Variants in PDE3B observed in about 807,000 individuals in gnomAD.
PDE3B encodes cGMP-inhibited 3',5'-cyclic phosphodiesterase 3B.
Under a neutral mutation model 116.8 loss-of-function variants are expected in PDE3B, and 66 were observed. That is an observed-to-expected ratio of 0.56 (90% confidence interval 0.46 to 0.69). PDE3B has a LOEUF of 0.69. PDE3B is among the 30% of genes least tolerant of loss of function. PDE3B has a pLI of 0.00. For synonymous variants in PDE3B, 595 were observed against 533.6 expected, an observed-to-expected ratio of 1.12 and a Z score of -1.59; for missense variants, 1,384 against 1,368.1, an observed-to-expected ratio of 1.01 and a Z score of -0.18.
chr11:14,874,269 CTA>C (rs1848170165), downstream of PDE3B, among the ~76,000 whole-genome samples: 1 of 151,988 alleles, frequency 6.6e-6, no homozygotes, highest in Non-Finnish European at 1.5e-5. Flanking sequence ...AACCTTTAAC[CTA>C]TGTTTTAAGT....
intron 1 of PDE3B, among the ~76,000 whole-genome samples, chr11:14,707,856 T>C (rs1855578301): frequency 6.6e-6 from 1 of 152,064 alleles, no homozygotes; most frequent in African/African-American, 2.4e-5. Flanking sequence ...ACATAAATAG[T>C]ATTTGGATAC....
At chr11:14,728,602 G>T (rs1329614741) in intron 1 of PDE3B, among the ~76,000 whole-genome samples, 1 of 152,060 alleles carries the variant, frequency 6.6e-6, no homozygotes, top group African/African-American at 2.4e-5. Context: ...TAATTATGTT[G>T]ATAAAGATCA....
At chr11:14,807,296 T>C (rs1447275276) in intron 5 of PDE3B, among the ~76,000 whole-genome samples, 1 of 152,172 alleles carries the variant, frequency 6.6e-6, no homozygotes, top group Non-Finnish European at 1.5e-5. Flanking sequence ...ATAATAACTT[T>C]CTTTTAGCAT....
intron 7 of PDE3B, among the ~76,000 whole-genome samples, chr11:14,828,205 A>T (rs1859762348): frequency 6.6e-6 from 1 of 152,212 alleles, no homozygotes; most frequent in Admixed American, 6.5e-5. Context: ...AAAACCCAAA[A>T]CTATAAAAAC....
chr11:14,644,228 C>G lies in PDE3B; in HGVS notation c.153C>G (p.Leu51=). 6.3e-7 allele frequency: 1 copy of G among 1,587,292 alleles called. No homozygotes were observed. The highest frequency in any genetic ancestry group is 1.1e-5 in the South Asian group (1 of 88,924). Residue 51 remains leucine, a synonymous_variant, in exon 1 of 16, where the codon CTC becomes CTG. Coordinates refer to ENST00000282096, the MANE Select transcript of PDE3B (RefSeq NM_000922.4). ...CTCCGCGCGGCTTCTTCTTCCACCT[C>G]TGCCGCTTCTGCAACGTGGAGCTGC... The part of the protein sequence containing the change: ...QDPPRGFFFH[L]CRFCNVELRP...
At chr11:14,793,979 T>C (rs965182468) in intron 4 of PDE3B, among the ~76,000 whole-genome samples, 2 of 152,230 alleles carry the variant, frequency 1.3e-5, no homozygotes, top group Admixed American at 6.5e-5. Context: ...TCTACAGTTA[T>C]CAAGTTTATA....
At chr11:14,779,157 AT>A (rs1326746432) in intron 2 of PDE3B, among the ~76,000 whole-genome samples, 6 of 152,218 alleles carry the variant, frequency 3.9e-5, no homozygotes, top group Non-Finnish European at 8.8e-5. Flanking sequence ...TCCAAGAAAT[AT>A]GGGACTATAT....
rs147992473 is a variant in PDE3B at position 14,732,171 on chromosome 11, A to G, written c.979-39766A>G. On this transcript the variant is annotated intron_variant, in intron 1 of 15. Coordinates refer to ENST00000282096, the MANE Select transcript of PDE3B (RefSeq NM_000922.4). ...AGAATGCAGCATGTCTGACACGTTC[A>G]AGGTGAGGCAAGGTGCAGGTGGGGG... is the stretch of plus-strand genomic sequence containing the variant. 9.8e-3 allele frequency among the ~76,000 whole-genome samples: 1,488 copies of G among 152,280 alleles called. 67 individuals carry two copies. The highest frequency in any genetic ancestry group is 0.019 in the East Asian group (96 of 5,184).
intron 1 of PDE3B, among the ~76,000 whole-genome samples, chr11:14,701,951 G>T (rs1374064063): frequency 2.0e-5 from 3 of 151,046 alleles, no homozygotes; most frequent in African/African-American, 7.3e-5. Flanking sequence ...GCTGATATTT[G>T]ATGGGTCTTT....
the PDE3B span, among the ~76,000 whole-genome samples, chr11:14,889,323 A>C: frequency 6.6e-6 from 1 of 152,194 alleles, no homozygotes. Flanking sequence ...TATTTTAACA[A>C]TTTATGCCAA....
chr11:14,872,675 G>A (rs956616115), downstream of PDE3B, among the ~76,000 whole-genome samples: 5 of 152,152 alleles, frequency 3.3e-5, no homozygotes, highest in Non-Finnish European at 7.3e-5. Context: ...CTTGTTATAT[G>A]TGGGGGATTG....
At chr11:14,673,168 A>T (rs1854424334) in intron 1 of PDE3B, among the ~76,000 whole-genome samples, 2 of 144,224 alleles carry the variant, frequency 1.4e-5, no homozygotes, top group Admixed American at 7.0e-5. Context: ...TAAGCACCAT[A>T]AAAAAAAAAA....
At chr11:14,729,892 C>CTTA (rs1167948837) in intron 1 of PDE3B, among the ~76,000 whole-genome samples, 1 of 151,892 alleles carries the variant, frequency 6.6e-6, no homozygotes, top group African/African-American at 2.4e-5. Context: ...TAATAGAAAT[C>CTTA]AACTCTGGAT....
intron 2 of PDE3B, chr11:14,772,690 A>T (rs145068677): frequency 6.6e-6 from 1 of 152,072 alleles, no homozygotes; most frequent in Non-Finnish European, 1.5e-5. Flanking sequence ...TAATTTTTTG[A>T]ACACCTAAGT....
At chr11:14,757,247 A>G (rs908012345) in intron 1 of PDE3B, among the ~76,000 whole-genome samples, 9 of 150,874 alleles carry the variant, frequency 6.0e-5, no homozygotes, top group Admixed American at 6.0e-4. Flanking sequence ...ATTGTGAATA[A>G]TGCCGCAATA....
chr11:14,797,272 T>A lies in PDE3B; in HGVS notation c.1416-6672T>A, dbSNP rs534006208. Among the ~76,000 whole-genome samples the A allele has an allele frequency of 5.9e-5, 9 of 152,348 alleles. No individual in the cohort carries two copies. In the South Asian group the frequency reaches 1.2e-3, roughly 21 times the overall value. Reference sequence around the variant, plus strand: ...GGAAAGAACAGGCAGTAATGATTGCTGTTCTGCAGCCTCTCCTGGTGATAC... The same window carrying A: ...GGAAAGAACAGGCAGTAATGATTGCAGTTCTGCAGCCTCTCCTGGTGATAC... On this transcript the variant is annotated intron_variant, in intron 4 of 15. Transcript: ENST00000282096.
intron 1 of PDE3B, among the ~76,000 whole-genome samples, chr11:14,723,001 A>C (rs1454399495): frequency 1.3e-5 from 2 of 152,198 alleles, no homozygotes; most frequent in Non-Finnish European, 2.9e-5. Context: ...AGTTAGGAAA[A>C]ATGTTGAAAT....
At chr11:14,809,266 CACACAAA>C (rs1859049836) in intron 5 of PDE3B, among the ~76,000 whole-genome samples, 1 of 152,114 alleles carries the variant, frequency 6.6e-6, no homozygotes, top group Admixed American at 6.5e-5. Context: ...ACCGTAGGTC[CACACAAA>C]AACTTGTGCA....
intron 1 of PDE3B, among the ~76,000 whole-genome samples, chr11:14,675,827 T>C (rs1228567038): frequency 6.6e-6 from 1 of 152,182 alleles, no homozygotes; most frequent in Non-Finnish European, 1.5e-5. Context: ...TTTTGCCTTA[T>C]GAATTAGGCT....
Sources: allele counts gnomAD v4.1 joint callset (sites outside exome capture counted in the v4.1 genomes callset), GRCh38; gene constraint gnomAD v4.1.1; transcripts MANE v1.5; gene names NCBI Gene and HGNC (gene_info 2026-07-23, HGNC 2026-07-21).